FNIP2: variants seen among roughly 807,000 people sequenced by gnomAD.
FNIP2 encodes folliculin-interacting protein 2.
FNIP2 carries 32 observed loss-of-function variants against 108.7 expected under a neutral mutation model. The ratio of observed to expected loss-of-function variants is 0.29; its 90% CI spans 0.22 to 0.40. The LOEUF (loss-of-function observed/expected upper bound fraction) is 0.40. Ranked by LOEUF, FNIP2 falls within the 10% of genes least tolerant of loss-of-function variation. The probability of loss-of-function intolerance (pLI) is 1.00; values close to 1 mark genes in which losing one functional copy is unlikely to be tolerated. For missense variants in FNIP2, 1,202 were observed against 1,381.6 expected (o/e 0.87, Z 2.06); for synonymous variants, 480 against 496.7 (o/e 0.97, Z 0.45).
intron 15 of FNIP2, chr4:158,893,317 T>C (rs561923497): frequency 1.8e-4 from 32 of 176,418 alleles, no homozygotes; most frequent in Non-Finnish European, 3.1e-4. Flanking sequence ...TTCCTAACCA[T>C]GTACTCTTTC....
At chr4:158,882,955 C>T (rs1317038144) in intron 14 of FNIP2, among the ~76,000 whole-genome samples, 1 of 150,808 alleles carries the variant, frequency 6.6e-6, no homozygotes, top group Non-Finnish European at 1.5e-5. Flanking sequence ...ATGACCCTGC[C>T]AAATCCCCCT....
intron 1 of FNIP2, among the ~76,000 whole-genome samples, chr4:158,774,054 A>G (rs1470012010): frequency 2.6e-5 from 4 of 152,226 alleles, no homozygotes; most frequent in African/African-American, 9.6e-5. Flanking sequence ...AAGAAGTAAA[A>G]GCAACTCTAA....
At chr4:158,803,165 T>G (rs1265118063) in intron 1 of FNIP2, among the ~76,000 whole-genome samples, 2 of 152,200 alleles carry the variant, frequency 1.3e-5, no homozygotes, top group East Asian at 3.8e-4. Context: ...CAGACACTTT[T>G]GTAAATGTGT....
chr4:158,833,519 C>T lies in FNIP2; in HGVS notation c.555-9C>T, dbSNP rs371442179. 68 of 1,561,318 alleles carry T rather than the reference C, an allele frequency of 4.4e-5. No individual in the cohort carries two copies. The highest frequency in any genetic ancestry group is 4.9e-5 in the Non-Finnish European group (57 of 1,153,964). ...TCTTTCTCCTTTTCCCCCCCATCTC[C>T]GGATATAGCTTGCAAGACAGCTTTG... On this transcript the variant is annotated splice_polypyrimidine_tract_variant and intron_variant, in intron 5 of 16. Coordinates refer to ENST00000264433, the MANE Select transcript of FNIP2 (RefSeq NM_020840.3).
chr4:158,881,997 G>A (rs560443777), intron 14 of FNIP2, among the ~76,000 whole-genome samples: 16 of 151,466 alleles, frequency 1.1e-4, no homozygotes, highest in Non-Finnish European at 1.9e-4. Flanking sequence ...ATCCAGTCTA[G>A]GAAGTGAGGA....
At chr4:158,808,868 A>G (rs1442171739) in intron 1 of FNIP2, among the ~76,000 whole-genome samples, 1 of 152,190 alleles carries the variant, frequency 6.6e-6, no homozygotes, top group African/African-American at 2.4e-5. Context: ...AGATTCCACA[A>G]TTACAGTAGA....
In FNIP2 at chr4:158,859,208, T is replaced by G. The variant is rs1780151107; in HGVS notation, c.1009T>G (p.Phe337Val). The G allele has an allele frequency of 3.1e-6, 5 of 1,612,462 alleles. No homozygotes were observed. Among genetic ancestry groups the G allele is most frequent in the Non-Finnish European group, 4.2e-6 (5 of 1,179,120 alleles). The change falls in exon 9 of 17, where the codon TTT (phenylalanine) becomes GTT (valine). Residue 337 changes from phenylalanine (F) to valine (V), a missense_variant. Physicochemically the swap from Phe to Val is conservative, Grantham distance 50 (BLOSUM62 -1). This residue lies in a region of FNIP2 where 878 missense variants were observed against 990.3 expected (regional missense o/e 0.89). Transcript: ENST00000264433. Reference protein sequence around the residue: ...RNFQDFFFSHFPLFESHMNRL... With the variant: ...RNFQDFFFSHVPLFESHMNRL... ...TTTCCAGGACTTCTTCTTTTCTCATTTTCCCCTGTTTGAATCTCACATGAA... is the reference window on the plus strand; with the variant it reads ...TTTCCAGGACTTCTTCTTTTCTCATGTTCCCCTGTTTGAATCTCACATGAA...
intron 14 of FNIP2, among the ~76,000 whole-genome samples, chr4:158,884,461 T>C (rs1005075959): frequency 1.3e-5 from 2 of 152,146 alleles, no homozygotes; most frequent in African/African-American, 2.4e-5. Flanking sequence ...CAGCAAGTAT[T>C]CTCAGAGGTC....
intron 1 of FNIP2, among the ~76,000 whole-genome samples, chr4:158,803,046 T>C (rs936847237): frequency 5.9e-5 from 9 of 152,192 alleles, no homozygotes; most frequent in African/African-American, 2.2e-4. Flanking sequence ...TCCCTTCCAG[T>C]GTCTTAGAAA....
intron 14 of FNIP2, among the ~76,000 whole-genome samples, chr4:158,886,162 TGTTA>T (rs1456232146): frequency 1.3e-5 from 2 of 152,236 alleles, no homozygotes; most frequent in African/African-American, 4.8e-5. Context: ...GTATTTCATT[TGTTA>T]CTCTATCTTG....
intron 12 of FNIP2, among the ~76,000 whole-genome samples, chr4:158,866,119 T>C (rs1378111234): frequency 6.6e-6 from 1 of 150,484 alleles, no homozygotes; most frequent in Non-Finnish European, 1.5e-5. Context: ...CCTCAGAGGG[T>C]TTCTAACTTC....
At chr4:158,821,599 G>A (rs1777885898) in intron 1 of FNIP2, among the ~76,000 whole-genome samples, 2 of 152,194 alleles carry the variant, frequency 1.3e-5, no homozygotes, top group Non-Finnish European at 1.5e-5. Context: ...CAGGGAAAGG[G>A]GCTGGGAGTG....
chr4:158,882,343 CCCCCGTCCGGCCAGCCG>C (rs946359902), intron 14 of FNIP2, among the ~76,000 whole-genome samples: 1 of 151,502 alleles, frequency 6.6e-6, no homozygotes, highest in Non-Finnish European at 1.5e-5. Flanking sequence ...TGAGGGGCAG[CCCCCGTCCGGCCAGCCG>C]CCCCGTCCGG....
intron 7 of FNIP2, among the ~76,000 whole-genome samples, chr4:158,847,117 A>T (rs1779448874): frequency 6.6e-6 from 1 of 152,212 alleles, no homozygotes; most frequent in Admixed American, 6.5e-5. Flanking sequence ...AAGCCTTGCC[A>T]CCACGGACTA....
At chr4:158,847,675 G>A (rs1221149823) in intron 7 of FNIP2, among the ~76,000 whole-genome samples, 2 of 152,088 alleles carry the variant, frequency 1.3e-5, no homozygotes, top group Admixed American at 6.5e-5. Flanking sequence ...CCATAGTGGG[G>A]TAGAGCACCA....
At chr4:158,785,722 T>A (rs1776205758) in intron 1 of FNIP2, among the ~76,000 whole-genome samples, 1 of 151,532 alleles carries the variant, frequency 6.6e-6, no homozygotes, top group Admixed American at 6.6e-5. Flanking sequence ...TTTTTTTTTT[T>A]AACTTCAGAG....
chr4:158,773,628 G>C (rs1301648590), intron 1 of FNIP2, among the ~76,000 whole-genome samples: 4 of 152,170 alleles, frequency 2.6e-5, no homozygotes, highest in Non-Finnish European at 5.9e-5. Context: ...TATTATTCCT[G>C]TTGAGGCTTT....
chr4:158,852,989 G>C (rs1032404727), intron 8 of FNIP2, among the ~76,000 whole-genome samples: 5 of 151,996 alleles, frequency 3.3e-5, no homozygotes, highest in Non-Finnish European at 7.4e-5. Flanking sequence ...CAAAAAACAA[G>C]AAAAGAGTTA....
At chr4:158,825,850 T>A in intron 1 of FNIP2, 66 bp from the exon 2 acceptor site, 1 of 1,559,408 alleles carries the variant, frequency 6.4e-7, no homozygotes, top group South Asian at 1.1e-5. Flanking sequence ...CTGGGAAGCT[T>A]ATCTGTCTGT....
Sources: gnomAD v4.1 joint callset for allele counts (sites outside exome capture counted in the v4.1 genomes callset) on GRCh38, gnomAD v4.1.1 for gene constraint, gnomAD v4.1.1 regional missense constraint, MANE v1.5 for transcripts, NCBI Gene and HGNC (gene_info 2026-07-23, HGNC 2026-07-21) for gene names.